TSHZ2: variants seen among roughly 807,000 people sequenced by gnomAD.
TSHZ2 encodes teashirt homolog 2.
A neutral mutation model predicts 74.4 loss-of-function variants in TSHZ2; 21 were observed. That is an observed-to-expected ratio of 0.28 (90% CI 0.20 to 0.41). The LOEUF is 0.41. Among genes scored for constraint, TSHZ2 ranks in the 10% least tolerant of loss-of-function variants. TSHZ2 has a pLI of 1.00. For synonymous variants in TSHZ2, 540 were observed against 515.3 expected, an observed-to-expected ratio of 1.05 and a Z score of -0.65; for missense variants, 1,244 against 1,293.5, an observed-to-expected ratio of 0.96 and a Z score of 0.59.
chr20:53,206,929 T>G (rs1989183362), intron 1 of TSHZ2, among the ~76,000 whole-genome samples: 1 of 152,224 alleles, frequency 6.6e-6, no homozygotes, highest in Non-Finnish European at 1.5e-5. Flanking sequence ...TTGATTTATC[T>G]GTGCTTGTTT....
chr20:53,254,687 GCT>G lies in TSHZ2; in HGVS notation c.1232_1233del (p.Ser411CysfsTer23), dbSNP rs1990423059. On this transcript the variant is annotated frameshift_variant, in exon 2 of 3. Transcript: ENST00000371497. LOFTEE classifies it high-confidence loss of function. ...ACAGGTCACTTTCTCAAGGTCACCA[GCT>G]CTGCCTCCAAGAAAGGGAAGCAGCT... 6.2e-7 allele frequency: 1 copy of G among 1,614,070 alleles called. No homozygotes were observed. The highest frequency in any genetic ancestry group is 8.5e-7 in the Non-Finnish European group (1 of 1,180,044).
chr20:53,153,861 C>T (rs1184920141), intron 1 of TSHZ2, among the ~76,000 whole-genome samples: 5 of 152,150 alleles, frequency 3.3e-5, no homozygotes, highest in Admixed American at 2.6e-4. Context: ...GCTGGTCTTG[C>T]GTGGCCTTAG....
chr20:53,323,478 A>C (rs2145528320), intron 2 of TSHZ2, among the ~76,000 whole-genome samples: 1 of 152,082 alleles, frequency 6.6e-6, no homozygotes, highest in East Asian at 1.9e-4. Flanking sequence ...AGGTGAATAA[A>C]TAAATAAGTG....
At chr20:53,378,602 G>T (rs1330068431) in intron 2 of TSHZ2, among the ~76,000 whole-genome samples, 1 of 151,994 alleles carries the variant, frequency 6.6e-6, no homozygotes, top group African/African-American at 2.4e-5. Context: ...GGAGTTCAAT[G>T]GCTTCATCTG....
intron 1 of TSHZ2, among the ~76,000 whole-genome samples, chr20:52,989,134 A>T (rs762912059): frequency 1.3e-5 from 2 of 150,550 alleles, no homozygotes; most frequent in Admixed American, 6.6e-5. Flanking sequence ...AATGTTGTCT[A>T]CACCAGAAAT....
chr20:53,076,372 C>T (rs569606300), intron 1 of TSHZ2, among the ~76,000 whole-genome samples: 1 of 152,304 alleles, frequency 6.6e-6, no homozygotes, highest in East Asian at 1.9e-4. Flanking sequence ...TGATTTAATT[C>T]ATTCATTCAT....
intron 2 of TSHZ2, among the ~76,000 whole-genome samples, chr20:53,466,023 G>GAATC (rs1435512895): frequency 6.6e-6 from 1 of 150,740 alleles, no homozygotes; most frequent in Admixed American, 6.6e-5. Flanking sequence ...CAAGGCAGGT[G>GAATC]AATCACAAGG....
chr20:53,168,486 T>C (rs1377250594), intron 1 of TSHZ2, among the ~76,000 whole-genome samples: 1 of 152,234 alleles, frequency 6.6e-6, no homozygotes, highest in Non-Finnish European at 1.5e-5. Context: ...GGCTGGCTAT[T>C]CAGAGACTTT....
intron 2 of TSHZ2, among the ~76,000 whole-genome samples, chr20:53,419,177 C>T (rs1015262776): frequency 7.9e-5 from 12 of 152,188 alleles, no homozygotes; most frequent in Admixed American, 7.2e-4. Context: ...ACTTGTGACT[C>T]GGGCTCCCCG....
chr20:53,431,546 T>G (rs1001369058), intron 2 of TSHZ2, among the ~76,000 whole-genome samples: 1 of 152,158 alleles, frequency 6.6e-6, no homozygotes, highest in African/African-American at 2.4e-5. Flanking sequence ...CTACTACATA[T>G]TGAGCACTTG....
At chr20:53,451,602 G>A (rs6063947) in intron 2 of TSHZ2, among the ~76,000 whole-genome samples, 10 of 151,914 alleles carry the variant, frequency 6.6e-5, no homozygotes, top group African/African-American at 1.9e-4. Flanking sequence ...AGATCCTGCC[G>A]TAAAAACTCT....
At chr20:53,334,946 G>T (rs200605) in intron 2 of TSHZ2, among the ~76,000 whole-genome samples, 107,923 of 151,996 alleles carry the variant, frequency 0.71, 39,313 homozygotes, top group Non-Finnish European at 0.79. Flanking sequence ...CCTCTCAAAG[G>T]GCTGGGATTA....
At chr20:53,463,639 C>T (rs961375224) in intron 2 of TSHZ2, among the ~76,000 whole-genome samples, 3 of 152,154 alleles carry the variant, frequency 2.0e-5, no homozygotes, top group Non-Finnish European at 4.4e-5. Flanking sequence ...CTTGGTAGTG[C>T]ATTAGAATCC....
At chr20:53,145,225 A>T (rs762407938) in intron 1 of TSHZ2, among the ~76,000 whole-genome samples, 1 of 152,174 alleles carries the variant, frequency 6.6e-6, no homozygotes, top group Non-Finnish European at 1.5e-5. Context: ...TGATCAGGAC[A>T]TGGTGGGTGG....
intron 2 of TSHZ2, among the ~76,000 whole-genome samples, chr20:53,343,709 C>T (rs1415427839): frequency 6.6e-6 from 1 of 152,200 alleles, no homozygotes; most frequent in African/African-American, 2.4e-5. Context: ...AGTCCTCTCC[C>T]TCCTCCCCAT....
intron 2 of TSHZ2, among the ~76,000 whole-genome samples, chr20:53,311,395 G>T (rs985141209): frequency 1.3e-5 from 2 of 152,354 alleles, no homozygotes; most frequent in South Asian, 2.1e-4. Flanking sequence ...AGCAAATATG[G>T]ATGAAGAATA....
Position 53,210,892 on chromosome 20 carries a change from G to A in TSHZ2, c.41-42607G>A, listed in dbSNP as rs184337849. Among the ~76,000 whole-genome samples, 284 of 152,166 alleles carry A rather than the reference G, an allele frequency of 1.9e-3. 1 individual carries two copies. Among genetic ancestry groups the A allele is most frequent in the African/African-American group, 6.3e-3 (263 of 41,520 alleles). On this transcript the variant is annotated intron_variant, in intron 1 of 2. Transcript: ENST00000371497. ...TTCCAGGCAGCAGGATGACAAAGGGGTTTATGAGATTGGGTTCCTACTTTA... is the reference window on the plus strand; with the variant it reads ...TTCCAGGCAGCAGGATGACAAAGGGATTTATGAGATTGGGTTCCTACTTTA...
At chr20:53,437,463 A>T (rs1030107174) in intron 2 of TSHZ2, among the ~76,000 whole-genome samples, 2 of 152,002 alleles carry the variant, frequency 1.3e-5, no homozygotes, top group Non-Finnish European at 2.9e-5. Flanking sequence ...TCAGAGCAAG[A>T]CTCCATCTAA....
intron 1 of TSHZ2, among the ~76,000 whole-genome samples, chr20:52,977,873 C>T (rs923146490): frequency 2.0e-5 from 3 of 152,154 alleles, no homozygotes; most frequent in African/African-American, 7.2e-5. Context: ...TTCTCTGAGG[C>T]TTAAGAGTTT....
Sources: allele counts gnomAD v4.1 joint callset (sites outside exome capture counted in the v4.1 genomes callset), GRCh38; gene constraint gnomAD v4.1.1; transcripts MANE v1.5; gene names NCBI Gene and HGNC (gene_info 2026-07-23, HGNC 2026-07-21).